Variants in LRRC4C observed in about 807,000 individuals in gnomAD.
LRRC4C encodes leucine rich repeat containing 4C, also known as leucine-rich repeat-containing protein 4C.
LRRC4C carries 5 observed loss-of-function variants against 33.6 expected under a neutral mutation model. The ratio of observed to expected loss-of-function variants is 0.15; its 90% confidence interval spans 0.08 to 0.31. The LOEUF (loss-of-function observed/expected upper bound fraction) is 0.31, where lower values mean the gene tolerates loss of function less well. Ranked by LOEUF, LRRC4C falls within the 10% of genes least tolerant of loss-of-function variation. The probability of loss-of-function intolerance (pLI) is 1.00; values close to 1 mark genes in which losing one functional copy is unlikely to be tolerated. For missense variants in LRRC4C, 560 were observed against 796.7 expected (o/e 0.70, Z 3.58); for synonymous variants, 329 against 302.0 (o/e 1.09, Z -0.93).
intron 3 of LRRC4C, among the ~76,000 whole-genome samples, chr11:40,334,380 A>G (rs1946503427): frequency 6.6e-6 from 1 of 152,164 alleles, no homozygotes; most frequent in South Asian, 2.1e-4. Flanking sequence ...CCAGTAGGCT[A>G]GAGTTTGAGA....
At chr11:40,508,974 G>T (rs1955172732) in intron 3 of LRRC4C, among the ~76,000 whole-genome samples, 1 of 152,082 alleles carries the variant, frequency 6.6e-6, no homozygotes, top group African/African-American at 2.4e-5. Flanking sequence ...GAAGTGTTGT[G>T]GAGGAGTAAA....
At chr11:41,343,560 T>C (rs1362344860) in intron 1 of LRRC4C, among the ~76,000 whole-genome samples, 1 of 152,212 alleles carries the variant, frequency 6.6e-6, no homozygotes, top group Non-Finnish European at 1.5e-5. Context: ...GATAGGTTAA[T>C]CAGGAAATGA....
chr11:40,502,494 G>A (rs1954826572), intron 3 of LRRC4C, among the ~76,000 whole-genome samples: 1 of 152,136 alleles, frequency 6.6e-6, no homozygotes, highest in Non-Finnish European at 1.5e-5. Flanking sequence ...ACTTCTTACA[G>A]GGTGGCAGCA....
At chr11:40,865,131 A>T (rs764558403) in intron 2 of LRRC4C, among the ~76,000 whole-genome samples, 3 of 152,166 alleles carry the variant, frequency 2.0e-5, no homozygotes, top group Non-Finnish European at 2.9e-5. Context: ...TTGTAACAAC[A>T]TGGTTAACTC....
At chr11:40,517,988 C>A (rs1211984105) in intron 3 of LRRC4C, among the ~76,000 whole-genome samples, 2 of 152,036 alleles carry the variant, frequency 1.3e-5, no homozygotes, top group African/African-American at 4.8e-5. Context: ...TTTGACAAAC[C>A]TGACAAAATA....
intron 1 of LRRC4C, among the ~76,000 whole-genome samples, chr11:41,190,913 G>T (rs2136209903): frequency 6.6e-6 from 1 of 152,258 alleles, no homozygotes; most frequent in East Asian, 1.9e-4. Context: ...AGTAAGGAAA[G>T]TACTCTTGCA....
intron 3 of LRRC4C, among the ~76,000 whole-genome samples, chr11:40,591,239 T>A (rs1056841604): frequency 2.6e-5 from 4 of 152,142 alleles, no homozygotes; most frequent in Non-Finnish European, 5.9e-5. Flanking sequence ...CGACCCGATT[T>A]TCCAGGTGCC....
intron 1 of LRRC4C, among the ~76,000 whole-genome samples, chr11:41,326,241 G>A (rs145503681): frequency 2.9e-4 from 44 of 152,176 alleles, no homozygotes; most frequent in African/African-American, 1.0e-3. Context: ...TGGATACTTC[G>A]TGCCCTTGAA....
intron 3 of LRRC4C, among the ~76,000 whole-genome samples, chr11:40,423,240 T>A (rs924459056): frequency 9.2e-5 from 14 of 152,174 alleles, no homozygotes; most frequent in African/African-American, 3.1e-4. Context: ...ATCATGTCTG[T>A]AGTCATTACA....
intron 1 of LRRC4C, among the ~76,000 whole-genome samples, chr11:41,236,009 G>T (rs1948005753): frequency 6.6e-6 from 1 of 151,974 alleles, no homozygotes; most frequent in Non-Finnish European, 1.5e-5. Flanking sequence ...AGGTAGAAGT[G>T]GCTATGGAAT....
At chr11:41,117,267 T>C (rs1391101983) in intron 1 of LRRC4C, among the ~76,000 whole-genome samples, 2 of 152,170 alleles carry the variant, frequency 1.3e-5, no homozygotes, top group Non-Finnish European at 2.9e-5. Context: ...CACTGAGAAC[T>C]AAATAAATTG....
intron 1 of LRRC4C, among the ~76,000 whole-genome samples, chr11:40,952,884 ACACACACACACACTCTCTCTCT>A (rs1490724636): frequency 3.1e-5 from 3 of 96,000 alleles, no homozygotes; most frequent in African/African-American, 1.0e-4. Context: ...ACACACACAC[ACACACACACACACTCTCTCTCT>A]CTCTCTCTCT....
At chr11:40,966,777 G>T (rs537332339) in intron 1 of LRRC4C, among the ~76,000 whole-genome samples, 255 of 151,912 alleles carry the variant, frequency 1.7e-3, no homozygotes, top group African/African-American at 5.7e-3. Flanking sequence ...TGCCATGATT[G>T]TCCTTTCTTT....
At chr11:41,090,729 T>C (rs1264067154) in intron 1 of LRRC4C, among the ~76,000 whole-genome samples, 2 of 152,118 alleles carry the variant, frequency 1.3e-5, no homozygotes, top group African/African-American at 4.8e-5. Context: ...GTTTCCCCTA[T>C]GATGTTCCTG....
At chr11:41,047,258 A>G (rs568596768) in intron 1 of LRRC4C, among the ~76,000 whole-genome samples, 1 of 152,180 alleles carries the variant, frequency 6.6e-6, no homozygotes, top group African/African-American at 2.4e-5. Context: ...GATGCTCAAC[A>G]TCATTATTCA....
intron 1 of LRRC4C, among the ~76,000 whole-genome samples, chr11:41,258,395 T>A (rs1948870580): frequency 6.6e-6 from 1 of 151,974 alleles, no homozygotes; most frequent in African/African-American, 2.4e-5. Context: ...CCCTTCTCTC[T>A]GACACTTGAA....
At chr11:40,815,657 T>C (rs1193674713) in intron 2 of LRRC4C, among the ~76,000 whole-genome samples, 1 of 152,138 alleles carries the variant, frequency 6.6e-6, no homozygotes, top group Non-Finnish European at 1.5e-5. Flanking sequence ...GCATATGTCC[T>C]TCCCAAGGAG....
intron 1 of LRRC4C, among the ~76,000 whole-genome samples, chr11:41,014,510 C>G (rs1461867099): frequency 1.3e-5 from 2 of 148,554 alleles, no homozygotes; most frequent in African/African-American, 2.5e-5. Context: ...TTTTCTGAGC[C>G]AAGATTTTTA....
intron 3 of LRRC4C, among the ~76,000 whole-genome samples, chr11:40,597,784 C>T (rs1416978024): frequency 2.0e-5 from 3 of 152,176 alleles, no homozygotes; most frequent in East Asian, 1.9e-4. Context: ...CACTTGAACA[C>T]GTTGACATCG....
Sources: gnomAD v4.1 joint callset for allele counts (sites outside exome capture counted in the v4.1 genomes callset) on GRCh38, gnomAD v4.1.1 for gene constraint, MANE v1.5 for transcripts, NCBI Gene and HGNC (gene_info 2026-07-23, HGNC 2026-07-21) for gene names.